The following CACNA1C variants were observed in gnomAD, a reference collection of about 807,000 sequenced individuals.
CACNA1C encodes calcium voltage-gated channel subunit alpha1 C, also known as voltage-dependent L-type calcium channel subunit alpha-1C.
A neutral mutation model predicts 229.0 loss-of-function variants in CACNA1C; 30 were observed. That is an observed-to-expected ratio of 0.13 (90% CI 0.10 to 0.18). The LOEUF (loss-of-function observed/expected upper bound fraction) is 0.18, where lower values mean the gene tolerates loss of function less well. Among genes scored for constraint, CACNA1C ranks in the 10% least tolerant of loss-of-function variants. CACNA1C has a pLI of 1.00. For synonymous variants in CACNA1C, 1,114 were observed against 1,132.5 expected (o/e 0.98, Z 0.33); for missense variants, 1,658 against 2,845.0 (o/e 0.58, Z 9.49).
rs2154521830 is a variant in CACNA1C, at chr12:2,067,738, CT to C, written c.49+14128del. Among the ~76,000 whole-genome samples the C allele has an allele frequency of 6.6e-6, 1 of 152,218 alleles. No homozygotes were observed. The highest frequency in any genetic ancestry group is 1.9e-4 in the East Asian group (1 of 5,172). ...AGGACAAGGAACCTGCACTGTTAAC[CT>C]CAGTCAGGGCGCAACGGTAGAAAGG... On this transcript the variant is annotated intron_variant, in intron 1 of 46. Transcript: ENST00000399655. The surrounding 1 kb of genome is among the most constrained non-coding windows in gnomAD (Gnocchi z 5.3).
intron 5 of CACNA1C, among the ~76,000 whole-genome samples, chr12:2,471,307 A>G (rs554664014): frequency 6.6e-6 from 1 of 152,284 alleles, no homozygotes; most frequent in South Asian, 2.1e-4. Flanking sequence ...TATAAGTTCC[A>G]CTCAACAATG....
intron 3 of CACNA1C, among the ~76,000 whole-genome samples, chr12:2,327,098 T>G (rs1443235106): frequency 2.6e-5 from 4 of 152,216 alleles, no homozygotes; most frequent in Non-Finnish European, 5.9e-5. Flanking sequence ...GCTGGAAGCA[T>G]CTGGTGTCCA....
intron 3 of CACNA1C, among the ~76,000 whole-genome samples, chr12:2,177,997 C>G (rs148277052): frequency 3.2e-4 from 48 of 152,238 alleles, no homozygotes; most frequent in African/African-American, 1.1e-3. Context: ...GAAGATGAGA[C>G]ACACCAAGGG....
chr12:2,256,329 T>C (rs574979136), intron 3 of CACNA1C, among the ~76,000 whole-genome samples: 6 of 152,204 alleles, frequency 3.9e-5, no homozygotes. Flanking sequence ...ATTGGTGTCT[T>C]AAAAATGACT....
chr12:2,119,759 G>A (rs1596359670), intron 2 of CACNA1C, among the ~76,000 whole-genome samples: 2 of 152,360 alleles, frequency 1.3e-5, no homozygotes, highest in Middle Eastern at 6.8e-3. Context: ...CCGTACTCTT[G>A]GGGGTCTTCA....
intron 13 of CACNA1C, among the ~76,000 whole-genome samples, chr12:2,579,869 G>A (rs1285386796): frequency 1.3e-5 from 2 of 152,196 alleles, no homozygotes; most frequent in Non-Finnish European, 1.5e-5. Context: ...GGGGGTTATA[G>A]GCATGAGCCA....
At chr12:2,329,644 G>A (rs1544502) in intron 3 of CACNA1C, among the ~76,000 whole-genome samples, 74,890 of 152,078 alleles carry the variant, frequency 0.49, 20,931 homozygotes, top group Non-Finnish European at 0.63. Flanking sequence ...AAAAGGAACC[G>A]TTTTTGCTGC....
intron 3 of CACNA1C, among the ~76,000 whole-genome samples, chr12:2,375,556 TGATCA>T (rs1290334116): frequency 6.6e-6 from 1 of 152,238 alleles, no homozygotes; most frequent in East Asian, 1.9e-4. Context: ...TCTTCCTTGA[TGATCA>T]GATGTTTCTT....
chr12:2,273,880 G>A (rs2086393980), intron 3 of CACNA1C, among the ~76,000 whole-genome samples: 1 of 152,220 alleles, frequency 6.6e-6, no homozygotes, highest in Non-Finnish European at 1.5e-5. Flanking sequence ...TGCCTGGACA[G>A]CACGTGTGTG....
At chr12:2,619,335 C>T (rs748738064) in intron 29 of CACNA1C, among the ~76,000 whole-genome samples, 1 of 152,232 alleles carries the variant, frequency 6.6e-6, no homozygotes, top group East Asian at 1.9e-4. Flanking sequence ...CGGATCCCTA[C>T]GCCTGGGGAG....
At chr12:2,347,540 G>A (rs2097080584) in intron 3 of CACNA1C, among the ~76,000 whole-genome samples, 1 of 152,246 alleles carries the variant, frequency 6.6e-6, no homozygotes, top group Non-Finnish European at 1.5e-5. Context: ...TAGGCCTGAT[G>A]CTCATAGGGT....
At chr12:2,406,694 G>C (rs1428521620) in intron 3 of CACNA1C, among the ~76,000 whole-genome samples, 1 of 152,122 alleles carries the variant, frequency 6.6e-6, no homozygotes, top group Admixed American at 6.5e-5. Context: ...GCTTGTAATT[G>C]CTTGTTGCAG....
chr12:2,126,257 G>A (rs188137874), intron 3 of CACNA1C, among the ~76,000 whole-genome samples: 1 of 152,278 alleles, frequency 6.6e-6, no homozygotes, highest in Admixed American at 6.5e-5. Context: ...CATAATGAAA[G>A]CTGAACTGGG....
chr12:2,407,104 T>C (rs1228927297), intron 3 of CACNA1C, among the ~76,000 whole-genome samples: 1 of 152,214 alleles, frequency 6.6e-6, no homozygotes, highest in Non-Finnish European at 1.5e-5. Context: ...GGAGCCTCGT[T>C]ACTGCCTCAC....
intron 3 of CACNA1C, among the ~76,000 whole-genome samples, chr12:2,157,916 A>G (rs570126098): frequency 2.6e-5 from 4 of 152,344 alleles, no homozygotes; most frequent in African/African-American, 9.6e-5. Flanking sequence ...ATGTAAAGGG[A>G]AAAATTAAAA....
chr12:2,239,236 C>T (rs2068754035), intron 3 of CACNA1C, among the ~76,000 whole-genome samples: 1 of 152,170 alleles, frequency 6.6e-6, no homozygotes. Context: ...AAGTTGCCTC[C>T]AGAGCACTCC....
At position 2,353,741 on chromosome 12, in the gene CACNA1C, G is replaced by C. The variant is rs114043117; in HGVS notation, c.478-95235G>C. On this transcript the variant is annotated intron_variant, in intron 3 of 46. Transcript: ENST00000399655. ...GGAGATTTGAAGGGGAGGCTGTCTG[G>C]GGGTGGGAGAGACAGTGCAGGCCCA... 3.9e-5 allele frequency among the ~76,000 whole-genome samples: 6 copies of C among 152,194 alleles called. No homozygotes were observed. In the South Asian group the frequency reaches 1.2e-3, roughly 32 times the overall value.
intron 1 of CACNA1C, among the ~76,000 whole-genome samples, chr12:1,993,627 G>GGTGTGTGTGTGTGTGTGT (rs150056084): frequency 8.3e-4 from 122 of 146,672 alleles, no homozygotes; most frequent in African/African-American, 1.9e-3. Context: ...CTTCATTTGT[G>GGTGTGTGTGTGTGTGTGT]GTGTGTGTGT....
intron 9 of CACNA1C, among the ~76,000 whole-genome samples, chr12:2,516,405 A>G (rs2099796939): frequency 1.3e-5 from 2 of 152,158 alleles, no homozygotes; most frequent in Non-Finnish European, 2.9e-5. Context: ...TTTAATTGCT[A>G]TTGAGCAGAG....
Sources: gnomAD v4.1 joint callset for allele counts (sites outside exome capture counted in the v4.1 genomes callset) on GRCh38, gnomAD v4.1.1 for gene constraint, Gnocchi (gnomAD v3.1) non-coding constraint, MANE v1.5 for transcripts, NCBI Gene and HGNC (gene_info 2026-07-23, HGNC 2026-07-21) for gene names.